Variants in TRMT2B observed in about 807,000 individuals in gnomAD.
TRMT2B encodes tRNA methyltransferase 2B.
A neutral mutation model predicts 39.7 loss-of-function variants in TRMT2B; 34 were observed. The ratio of observed to expected loss-of-function variants is 0.86; its 90% CI spans 0.65 to 1.14. The LOEUF (loss-of-function observed/expected upper bound fraction) is 1.14. Ranked by LOEUF, TRMT2B falls within the 50% of genes most tolerant of loss-of-function variation. TRMT2B has a pLI of 0.00. For synonymous variants in TRMT2B, 132 were observed against 137.3 expected, an observed-to-expected ratio of 0.96 and a Z score of 0.27; for missense variants, 318 against 377.2, an observed-to-expected ratio of 0.84 and a Z score of 1.30.
At chrX:101,044,126 C>T (rs1261525232) in intron 2 of TRMT2B, among the ~76,000 whole-genome samples, 1 of 109,612 alleles carries the variant, frequency 9.1e-6, no homozygotes. Flanking sequence ...CCTATAGTCC[C>T]AGCTACTCGG....
chrX:100,978,354 T>C, the TRMT2B span, among the ~76,000 whole-genome samples: 5 of 111,836 alleles, frequency 4.5e-5, no homozygotes, highest in East Asian at 1.4e-3. Flanking sequence ...TCTCTTTAGC[T>C]CTAATAATAT....
At chrX:101,034,005 G>A (rs1178596670) in intron 7 of TRMT2B, among the ~76,000 whole-genome samples, 1 of 110,740 alleles carries the variant, frequency 9.0e-6, no homozygotes, top group Non-Finnish European at 1.9e-5. Flanking sequence ...ACCACATCCA[G>A]CTAATTTTGT....
At chrX:101,027,388 A>C (rs1378169179) in intron 7 of TRMT2B, among the ~76,000 whole-genome samples, 9 of 103,946 alleles carry the variant, frequency 8.7e-5, no homozygotes, top group South Asian at 9.0e-4. Context: ...CACGCCAACA[A>C]GCCCAGCTAA....
At chrX:100,988,149 G>A in the TRMT2B span, 1 of 1,062,947 alleles carries the variant, frequency 9.4e-7, no homozygotes, top group Non-Finnish European at 1.3e-6. Flanking sequence ...GAAGCTTGAA[G>A]TGTGTCCGTT....
chrX:101,047,857 A>AT (rs1443313427), intron 2 of TRMT2B, among the ~76,000 whole-genome samples: 3 of 108,657 alleles, frequency 2.8e-5, no homozygotes, highest in African/African-American at 1.0e-4. Flanking sequence ...GGGTCTCGCT[A>AT]TGTTTTCCAG....
At chrX:101,037,777 T>C in intron 5 of TRMT2B, 140 bp downstream of exon 5, 2 of 641,080 alleles carry the variant, frequency 3.1e-6, no homozygotes, top group Non-Finnish European at 2.4e-6. Flanking sequence ...CAGGTTATTA[T>C]AAACAGTAAA....
At chrX:100,983,647 G>A in the TRMT2B span, among the ~76,000 whole-genome samples, 6 of 111,430 alleles carry the variant, frequency 5.4e-5, no homozygotes, top group African/African-American at 1.3e-4. Flanking sequence ...GTGAGCCACC[G>A]TCCCTGGCCC....
At chrX:100,974,157 C>G in the TRMT2B span, 1 of 1,191,791 alleles carries the variant, frequency 8.4e-7, no homozygotes, top group African/African-American at 1.7e-5. Context: ...TTGGCTTGAA[C>G]AACTCTGGCA....
At chrX:101,018,399 T>C (rs1166981302) in intron 13 of TRMT2B, among the ~76,000 whole-genome samples, 1 of 108,452 alleles carries the variant, frequency 9.2e-6, no homozygotes, top group East Asian at 2.9e-4. Context: ...TGTAGTGGAA[T>C]AGAAACAAAC....
rs1178936794 is a variant in TRMT2B at position 101,010,688 on chromosome X, G to A, written c.1408C>T (p.Pro470Ser). ...NVIELCCPPD[P>S]AKKLLGEPFV... The stretch of plus-strand genomic sequence containing the variant: ...GGCTCGCCTAAGAGCTTCTTAGCAG[G>A]GTCTGGAGGACAGCACAGCCTGTAG... The change falls in exon 14 of 14, where the codon CCT becomes TCT. Residue 470 changes from proline to serine, a missense_variant. Pro to Ser is a moderately conservative substitution (Grantham distance 74). Coordinates refer to ENST00000372936, the MANE Select transcript of TRMT2B (RefSeq NM_024917.6). 1 of 1,210,612 alleles carries A rather than the reference G, an allele frequency of 8.3e-7. No homozygotes were observed. The highest frequency in any genetic ancestry group is 1.7e-5 in the African/African-American group (1 of 57,663).
intron 7 of TRMT2B, among the ~76,000 whole-genome samples, chrX:101,024,478 TTATG>T (rs1323085455): frequency 9.0e-6 from 1 of 111,230 alleles, no homozygotes; most frequent in Non-Finnish European, 1.9e-5. Flanking sequence ...GGAGGATTGC[TTATG>T]TCCAGGAGTT....
chrX:100,978,018 TACAC>T, the TRMT2B span, among the ~76,000 whole-genome samples: 1 of 112,201 alleles, frequency 8.9e-6, no homozygotes, highest in Non-Finnish European at 1.9e-5. Context: ...TTTGGATACA[TACAC>T]AGCAGGTGGA....
chrX:101,002,450 A>C, the TRMT2B span, among the ~76,000 whole-genome samples: 3 of 112,170 alleles, frequency 2.7e-5, no homozygotes, highest in African/African-American at 6.5e-5. Context: ...ACTCTAGTTC[A>C]TACCCTCTAG....
At chrX:100,991,621 G>C in the TRMT2B span, among the ~76,000 whole-genome samples, 1 of 111,619 alleles carries the variant, frequency 9.0e-6, no homozygotes, top group Non-Finnish European at 1.9e-5. Flanking sequence ...TGATCCGCCC[G>C]CCTCGGCCTC....
At chrX:100,995,242 C>A in the TRMT2B span, among the ~76,000 whole-genome samples, 1 of 111,654 alleles carries the variant, frequency 9.0e-6, no homozygotes, top group East Asian at 2.8e-4. Context: ...CTGAAACCAT[C>A]CCCTCATCCC....
At chrX:100,974,064 TCTGTTTAGCCTAAAACCTAC>T in the TRMT2B span, 1 of 896,875 alleles carries the variant, frequency 1.1e-6, no homozygotes, top group African/African-American at 2.0e-5. Flanking sequence ...AGTATAACTC[TCTGTTTAGCCTAAAACCTAC>T]CTGTTTTAAG....
chrX:100,974,024 C>A, the TRMT2B span: 1 of 686,640 alleles, frequency 1.5e-6, no homozygotes. Context: ...ATTGAGATTA[C>A]TGCAGGCAGA....
At chrX:100,990,762 G>T in the TRMT2B span, 3 of 447,852 alleles carry the variant, frequency 6.7e-6, no homozygotes, top group African/African-American at 2.5e-5. Context: ...TTAGAAATAA[G>T]TATTTTTTTC....
intron 7 of TRMT2B, among the ~76,000 whole-genome samples, chrX:101,033,938 G>A (rs1419702041): frequency 9.2e-6 from 1 of 108,856 alleles, no homozygotes; most frequent in Non-Finnish European, 1.9e-5. Context: ...CGCCTCCTGG[G>A]TTCAAGGGAT....
Sources: allele counts gnomAD v4.1 joint callset (sites outside exome capture counted in the v4.1 genomes callset), GRCh38; gene constraint gnomAD v4.1.1; transcripts MANE v1.5; gene names NCBI Gene and HGNC (gene_info 2026-07-23, HGNC 2026-07-21).